PGRMC1: variants seen among roughly 807,000 people sequenced by gnomAD.
The protein encoded by PGRMC1 is membrane-associated progesterone receptor component 1.
For missense variants in PGRMC1, 145 were observed against 169.0 expected (o/e 0.86, Z 0.79); for synonymous variants, 73 against 77.3 (o/e 0.94, Z 0.29).
At chrX:119,242,271 G>A (rs780563224) in intron 2 of PGRMC1, among the ~76,000 whole-genome samples, 19 of 106,495 alleles carry the variant, frequency 1.8e-4, no homozygotes, top group African/African-American at 5.9e-4. Flanking sequence ...TAGATCTCCT[G>A]TCATGTGAGC....
At chrX:119,241,278 C>T (rs1193868148) in intron 2 of PGRMC1, among the ~76,000 whole-genome samples, 2 of 112,271 alleles carry the variant, frequency 1.8e-5, no homozygotes, top group Non-Finnish European at 3.8e-5. Flanking sequence ...GTTCTCTTGG[C>T]TATATCCAAC....
In PGRMC1 at chrX:119,244,465, T is replaced by C. The variant is rs748006168; in HGVS notation, c.*1211T>C. 3.5e-5 allele frequency: 4 copies of C among 112,968 alleles called. No homozygotes were observed. Among genetic ancestry groups the C allele is most frequent in the South Asian group, 3.6e-4 (1 of 2,751 alleles). The allele number at this position is 112,968 out of a possible 1,213,427, so 9.3% of individuals were successfully genotyped here. A position where few individuals can be genotyped will look rare whatever the true frequency, so the allele number is the denominator to read the frequency against. ...AGTTAATAAAAATGGTTTTACCCAC[T>C]ATAGTGTGGTGACTTATTTAAATTT... On this transcript the variant is annotated 3_prime_UTR_variant, in exon 3 of 3. Transcript: ENST00000217971.
At position 119,236,301 on chromosome X, in the gene PGRMC1, G is replaced by A. The variant is rs1930688477; in HGVS notation, c.-63G>A. On this transcript the variant is annotated 5_prime_UTR_variant, in exon 1 of 3. Coordinates refer to ENST00000217971, the MANE Select transcript of PGRMC1 (RefSeq NM_006667.5). The stretch of plus-strand genomic sequence containing the variant: ...CCGCGCGCCACTCGCTCGCTCAGAG[G>A]GAGGAGAAAGTGGCGAGTTCCGGAT... 1.9e-6 allele frequency: 2 copies of A among 1,048,241 alleles called. No individual in the cohort carries two copies. The highest frequency in any genetic ancestry group is 3.7e-5 in the African/African-American group (2 of 54,159). 86.4% of individuals were successfully genotyped at this position (1,048,241 alleles called of 1,213,427 possible).
chrX:119,239,931 A>G (rs963052751), intron 1 of PGRMC1, among the ~76,000 whole-genome samples: 3 of 111,734 alleles, frequency 2.7e-5, no homozygotes, highest in Non-Finnish European at 5.6e-5. Flanking sequence ...AGAAACCATA[A>G]CTCTCACTGG....
intron 1 of PGRMC1, 109 bp from the exon 2 acceptor site, chrX:119,240,200 T>C (rs1056426540): frequency 1.2e-5 from 8 of 693,720 alleles, no homozygotes; most frequent in African/African-American, 1.0e-4. Context: ...TGGAATTTGA[T>C]ATTCAAAAAT....
rs1199856233 is a variant in PGRMC1 at position 119,243,419 on chromosome X, AATGC to A, written c.*169_*172del. Reference sequence around the variant, plus strand: ...GACACTAATAAAATTAACTTCTTAGAATGCATGATGTGTTTGTGTGTCACAAATC... The same window carrying A: ...GACACTAATAAAATTAACTTCTTAGAATGATGTGTTTGTGTGTCACAAATC... On this transcript the variant is annotated 3_prime_UTR_variant, in exon 3 of 3. Transcript: ENST00000217971. The A allele has an allele frequency of 2.1e-6, 1 of 469,813 alleles. No homozygotes were observed. Among genetic ancestry groups the A allele is most frequent in the East Asian group, 3.7e-5 (1 of 26,708 alleles). 38.7% of individuals were successfully genotyped at this position (469,813 alleles called of 1,213,427 possible).
intron 2 of PGRMC1, 62 bp from the exon 3 acceptor site, chrX:119,243,089 C>A: frequency 1.4e-6 from 1 of 706,978 alleles, no homozygotes; most frequent in Non-Finnish European, 2.3e-6. Context: ...TAAATTGAAA[C>A]GTGGTAATGA....
chrX:119,240,812 C>G (rs1221175543), intron 2 of PGRMC1, among the ~76,000 whole-genome samples: 1 of 111,751 alleles, frequency 8.9e-6, no homozygotes, highest in Non-Finnish European at 1.9e-5. Flanking sequence ...TAAGCCCTCT[C>G]TTGTAGAGCT....
chrX:119,236,800 A>G (rs751178159), intron 1 of PGRMC1, 109 bp downstream of exon 1: 4 of 650,473 alleles, frequency 6.1e-6, no homozygotes, highest in Non-Finnish European at 9.1e-6. Context: ...GGAGGGAGGA[A>G]TGGCGGCGAG....
In PGRMC1 at chrX:119,236,546, G is replaced by A; in HGVS notation, c.183G>A (p.Glu61=). ...CCAGCGGCGACAGCGACGACGACGA[G>A]CCGCCCCCTCTGCCCCGCCTCAAGC... ...PAASGDSDDD[E]PPPLPRLKRR... Residue 61 remains glutamate (E), a synonymous_variant, in exon 1 of 3, where the codon GAG becomes GAA. Transcript: ENST00000217971. 1 of 1,208,234 alleles carries A rather than the reference G, an allele frequency of 8.3e-7. No individual in the cohort carries two copies. The highest frequency in any genetic ancestry group is 1.1e-6 in the Non-Finnish European group (1 of 893,888).
rs1930883433 is a variant in PGRMC1, at chrX:119,243,959, T to C, written c.*705T>C. ...GAGCTGGCTGGCCTAAAAACCTAAA[T>C]ATATGATGAAGATTGTAGGACTGTC... On this transcript the variant is annotated 3_prime_UTR_variant, in exon 3 of 3. Transcript: ENST00000217971. 1 of 111,828 alleles carries C rather than the reference T, an allele frequency of 8.9e-6. No homozygotes were observed. Among genetic ancestry groups the C allele is most frequent in the Admixed American group, 9.4e-5 (1 of 10,583 alleles). The allele number at this position is 111,828 out of a possible 1,213,427, so 9.2% of individuals were successfully genotyped here.
chrX:119,237,490 G>T lies in PGRMC1; in HGVS notation c.328+799G>T, dbSNP rs371874540. On this transcript the variant is annotated intron_variant, in intron 1 of 2. Transcript: ENST00000217971. The stretch of plus-strand genomic sequence containing the variant: ...GGAAAGGCTGGAAGGTGAACAAGGA[G>T]GAAGGGGGCTGTTTGAGGGAGGAAT... Among the ~76,000 whole-genome samples the T allele has an allele frequency of 2.2e-3, 243 of 110,744 alleles. 2 individuals carry two copies. The South Asian group carries it at 0.025, about 11-fold the overall frequency.
At position 119,236,625 on chromosome X, in the gene PGRMC1, C is replaced by A; in HGVS notation, c.262C>A (p.Arg88Ser). ...GCGCTTCGACGGCGTCCAGGACCCGCGCATACTCATGGCCATCAACGGCAA... is the reference window on the plus strand; with the variant it reads ...GCGCTTCGACGGCGTCCAGGACCCGAGCATACTCATGGCCATCAACGGCAA... ...LRRFDGVQDP[R>S]ILMAINGKVF... The change falls in exon 1 of 3, where the codon CGC becomes AGC. Residue 88 changes from arginine (R) to serine (S), a missense_variant. Transcript: ENST00000217971. The A allele has an allele frequency of 8.3e-7, 1 of 1,206,896 alleles. No individual in the cohort carries two copies. The highest frequency in any genetic ancestry group is 1.1e-6 in the Non-Finnish European group (1 of 893,246).
At chrX:119,243,024 C>T in intron 2 of PGRMC1, 127 bp from the exon 3 acceptor site, 1 of 530,335 alleles carries the variant, frequency 1.9e-6, no homozygotes, top group South Asian at 2.5e-5. Context: ...ACCTTTGTAT[C>T]CTTCAAGAAG....
At chrX:119,240,277 T>C in intron 1 of PGRMC1, 32 bp from the exon 2 acceptor site, 2 of 1,199,406 alleles carry the variant, frequency 1.7e-6, no homozygotes, top group Non-Finnish European at 2.3e-6. Context: ...GACTGTCTAA[T>C]AAAGAATTGA....
Position 119,236,329 on chromosome X carries a change from C to G in PGRMC1, c.-35C>G. 2 of 1,164,452 alleles carry G rather than the reference C, an allele frequency of 1.7e-6. No individual in the cohort carries two copies. The highest frequency in any genetic ancestry group is 2.3e-6 in the Non-Finnish European group (2 of 856,345). ...GGAGAAAGTGGCGAGTTCCGGATCC[C>G]TGCCTAGCGCGGCCCAACCTTTACT... is the stretch of plus-strand genomic sequence containing the variant. On this transcript the variant is annotated 5_prime_UTR_variant, in exon 1 of 3. Transcript: ENST00000217971.
intron 1 of PGRMC1, among the ~76,000 whole-genome samples, chrX:119,238,922 CT>C (rs1239594332): frequency 8.9e-6 from 1 of 112,508 alleles, no homozygotes; most frequent in Admixed American, 9.3e-5. Context: ...GCCTATGGAG[CT>C]TACGTTCTAG....
In PGRMC1 at chrX:119,243,429, G is replaced by T. The variant is rs1352704511; in HGVS notation, c.*175G>T. ...AAATTAACTTCTTAGAATGCATGAT[G>T]TGTTTGTGTGTCACAAATCCAGAAA... On this transcript the variant is annotated 3_prime_UTR_variant, in exon 3 of 3. Transcript: ENST00000217971. 2.2e-6 allele frequency: 1 copy of T among 456,994 alleles called. No individual in the cohort carries two copies. Among genetic ancestry groups the T allele is most frequent in the Non-Finnish European group, 3.9e-6 (1 of 256,023 alleles). The allele number at this position is 456,994 out of a possible 1,213,427, so 37.7% of individuals were successfully genotyped here.
At chrX:119,242,057 A>C (rs1227457840) in intron 2 of PGRMC1, among the ~76,000 whole-genome samples, 1 of 111,260 alleles carries the variant, frequency 9.0e-6, no homozygotes, top group Admixed American at 9.5e-5. Flanking sequence ...CTATGAGACT[A>C]TTATTCCTTC....
Sources: gnomAD v4.1 joint callset for allele counts (sites outside exome capture counted in the v4.1 genomes callset) on GRCh38, gnomAD v4.1.1 for gene constraint, MANE v1.5 for transcripts, NCBI Gene and HGNC (gene_info 2026-07-23, HGNC 2026-07-21) for gene names.